The following ULK4 variants were observed in gnomAD, a reference collection of about 807,000 sequenced individuals.
The protein encoded by ULK4 is unc-51 like kinase 4.
A neutral mutation model predicts 160.6 loss-of-function variants in ULK4; 133 were observed. That is an observed-to-expected ratio of 0.83 (90% CI 0.72 to 0.96). The LOEUF (loss-of-function observed/expected upper bound fraction) is 0.96. Ranked by LOEUF, ULK4 falls within the 40% of genes least tolerant of loss-of-function variation. ULK4 has a pLI of 0.00. For synonymous variants in ULK4, 534 were observed against 539.8 expected, an observed-to-expected ratio of 0.99 and a Z score of 0.15; for missense variants, 1,580 against 1,499.5, an observed-to-expected ratio of 1.05 and a Z score of -0.89.
intron 30 of ULK4, among the ~76,000 whole-genome samples, chr3:41,649,981 T>C (rs1038135461): frequency 2.6e-5 from 4 of 152,108 alleles, no homozygotes; most frequent in African/African-American, 4.8e-5. Flanking sequence ...CAGACAGACA[T>C]TGGGACTACC....
chr3:41,266,568 T>C (rs990091195), intron 35 of ULK4, among the ~76,000 whole-genome samples: 1 of 152,140 alleles, frequency 6.6e-6, no homozygotes, highest in Non-Finnish European at 1.5e-5. Context: ...GACTTTGTCA[T>C]TGTTTCTTTG....
intron 21 of ULK4, among the ~76,000 whole-genome samples, chr3:41,771,650 A>T (rs2039382517): frequency 6.6e-6 from 1 of 152,162 alleles, no homozygotes; most frequent in Admixed American, 6.6e-5. Context: ...GGAAGACCAT[A>T]ATACCTAATA....
intron 32 of ULK4, among the ~76,000 whole-genome samples, chr3:41,534,329 A>G (rs76100186): frequency 0.029 from 4,429 of 152,282 alleles, 155 homozygotes; most frequent in African/African-American, 0.08. Flanking sequence ...TAAATCCATT[A>G]TTCTGACAGT....
intron 35 of ULK4, among the ~76,000 whole-genome samples, chr3:41,361,196 T>C (rs1003715621): frequency 2.0e-5 from 3 of 152,066 alleles, no homozygotes; most frequent in Non-Finnish European, 4.4e-5. Flanking sequence ...TGGCAGATAT[T>C]GGGGAGAGAA....
chr3:41,671,984 C>T (rs1331637244), intron 29 of ULK4, among the ~76,000 whole-genome samples: 1 of 152,104 alleles, frequency 6.6e-6, no homozygotes, highest in Non-Finnish European at 1.5e-5. Context: ...AAATGCTCAA[C>T]ATCACTTCAT....
chr3:41,582,095 G>A (rs182375796), intron 31 of ULK4, among the ~76,000 whole-genome samples: 1 of 152,314 alleles, frequency 6.6e-6, no homozygotes, highest in Admixed American at 6.5e-5. Flanking sequence ...GAGGGACCCA[G>A]TGGGAGATAA....
In ULK4 at chr3:41,334,998, T is replaced by C. The variant is rs1020049546; in HGVS notation, c.3678+63081A>G. ...AGAATTTAAGGCAGGATAAAAGATA[T>C]AGAGTTGAGGATGAAAGAGAGAAAG... On this transcript the variant is annotated intron_variant, in intron 35 of 36. Coordinates refer to ENST00000301831, the MANE Select transcript of ULK4 (RefSeq NM_017886.4). Among the ~76,000 whole-genome samples the C allele has an allele frequency of 3.3e-5, 5 of 152,182 alleles. No homozygotes were observed. In the East Asian group the frequency reaches 5.8e-4, roughly 18 times the overall value.
At chr3:41,507,209 G>A (rs1057260855) in intron 32 of ULK4, among the ~76,000 whole-genome samples, 13 of 140,768 alleles carry the variant, frequency 9.2e-5, no homozygotes, top group Non-Finnish European at 1.7e-4. Context: ...AAGTCAGTGT[G>A]ATTCTGCTCC....
chr3:41,835,857 G>A lies in ULK4; in HGVS notation c.1764+7C>T, dbSNP rs1304682736. On this transcript the variant is annotated splice_region_variant and intron_variant, in intron 18 of 36. Transcript: ENST00000301831. ...AAACAGCAACAGAGTTAATCAGACA[G>A]TCTCACCTGGGTGGCTACAAGATAG... The A allele has an allele frequency of 2.5e-6, 4 of 1,575,682 alleles. No homozygotes were observed. The highest frequency in any genetic ancestry group is 2.3e-5 in the South Asian group (2 of 88,036).
chr3:41,626,924 C>A (rs1488004672), intron 30 of ULK4, among the ~76,000 whole-genome samples: 1 of 151,972 alleles, frequency 6.6e-6, no homozygotes, highest in East Asian at 1.9e-4. Flanking sequence ...TATTTCATGT[C>A]CATTGAAAAC....
At chr3:41,316,426 T>C (rs2080144356) in intron 35 of ULK4, among the ~76,000 whole-genome samples, 1 of 152,226 alleles carries the variant, frequency 6.6e-6, no homozygotes, top group African/African-American at 2.4e-5. Context: ...AAAGCTATTA[T>C]TTTTTAAAAA....
At chr3:41,952,148 T>C (rs1304467772) in intron 2 of ULK4, among the ~76,000 whole-genome samples, 1 of 152,168 alleles carries the variant, frequency 6.6e-6, no homozygotes, top group Non-Finnish European at 1.5e-5. Flanking sequence ...GCAATGATTT[T>C]TGGATATTTG....
chr3:41,927,675 C>CAAA (rs35242579), intron 5 of ULK4, among the ~76,000 whole-genome samples: 52 of 118,352 alleles, frequency 4.4e-4, no homozygotes, highest in Non-Finnish European at 6.3e-4. Flanking sequence ...AAATGGAAAG[C>CAAA]AAAAAAAAAA....
At chr3:41,290,821 T>C (rs777314284) in intron 35 of ULK4, among the ~76,000 whole-genome samples, 2 of 152,246 alleles carry the variant, frequency 1.3e-5, no homozygotes, top group African/African-American at 4.8e-5. Flanking sequence ...CCTGCCTGTA[T>C]GCAGGAATCC....
Position 41,558,273 on chromosome 3 carries a change from T to C in ULK4, c.3226+7752A>G, listed in dbSNP as rs541815310. 3.9e-5 allele frequency among the ~76,000 whole-genome samples: 6 copies of C among 152,304 alleles called. No homozygotes were observed. In the South Asian group the frequency reaches 8.3e-4, roughly 21 times the overall value. On this transcript the variant is annotated intron_variant, in intron 32 of 36. Coordinates refer to ENST00000301831, the MANE Select transcript of ULK4 (RefSeq NM_017886.4). ...TACATCCATAAAACAGAATAGGATG[T>C]TGCTGTGTAAAAGAATAAAGATCTC...
chr3:41,518,514 A>T (rs543625075), intron 32 of ULK4, among the ~76,000 whole-genome samples: 1 of 152,320 alleles, frequency 6.6e-6, no homozygotes, highest in South Asian at 2.1e-4. Context: ...TTGTTTCATG[A>T]TCTGTAAATG....
chr3:41,317,071 T>A (rs1263508255), intron 35 of ULK4, among the ~76,000 whole-genome samples: 1 of 131,076 alleles, frequency 7.6e-6, no homozygotes, highest in Non-Finnish European at 1.6e-5. Flanking sequence ...CTATTTTTTT[T>A]TTTTTTTTTT....
At chr3:41,835,795 A>T in intron 18 of ULK4, 69 bp downstream of exon 18, 1 of 1,232,082 alleles carries the variant, frequency 8.1e-7, no homozygotes, top group Non-Finnish European at 1.2e-6. Context: ...TTTATAGGAT[A>T]TTAATACTTG....
intron 34 of ULK4, among the ~76,000 whole-genome samples, chr3:41,423,373 A>G (rs1458756182): frequency 6.6e-6 from 1 of 152,174 alleles, no homozygotes; most frequent in African/African-American, 2.4e-5. Flanking sequence ...AAAAAAGGGA[A>G]AATTTGCTAG....
Sources: gnomAD v4.1 joint callset for allele counts (sites outside exome capture counted in the v4.1 genomes callset) on GRCh38, gnomAD v4.1.1 for gene constraint, MANE v1.5 for transcripts, NCBI Gene and HGNC (gene_info 2026-07-23, HGNC 2026-07-21) for gene names.